Variants in ENPP3 observed in about 807,000 individuals in gnomAD.
ENPP3 encodes ectonucleotide pyrophosphatase/phosphodiesterase family member 3.
ENPP3 carries 104 observed loss-of-function variants against 117.8 expected under a neutral mutation model. That is an observed-to-expected ratio of 0.88 (90% confidence interval 0.75 to 1.04). The LOEUF is 1.04. Ranked by LOEUF, ENPP3 falls within the 50% of genes least tolerant of loss-of-function variation. The pLI is 0.00. For synonymous variants in ENPP3, 380 were observed against 349.9 expected (o/e 1.09, Z -0.96); for missense variants, 1,026 against 1,051.9 (o/e 0.98, Z 0.34).
intron 20 of ENPP3, among the ~76,000 whole-genome samples, chr6:131,731,656 T>C (rs1390393578): frequency 6.6e-6 from 1 of 152,212 alleles, no homozygotes; most frequent in African/African-American, 2.4e-5. Flanking sequence ...TCCAGCCTTA[T>C]GCGAACTCCT....
chr6:131,639,048 C>T lies in ENPP3; in HGVS notation c.78+1586C>T, dbSNP rs568558932. On this transcript the variant is annotated intron_variant, in intron 1 of 24. Transcript: ENST00000357639. Reference sequence around the variant, plus strand: ...TTTTTTCACACCAATCTTGCCGCAGCTTTTCCCTATATCCCATATTTTAAG... The same window carrying T: ...TTTTTTCACACCAATCTTGCCGCAGTTTTTCCCTATATCCCATATTTTAAG... Among the ~76,000 whole-genome samples the T allele has an allele frequency of 2.0e-5, 3 of 151,992 alleles. No individual in the cohort carries two copies. The East Asian group carries it at 5.8e-4, about 29-fold the overall frequency.
At position 131,726,088 on chromosome 6, in the gene ENPP3, G is replaced by C. The variant is rs1228165315; in HGVS notation, c.1841G>C (p.Arg614Thr). The C allele has an allele frequency of 2.5e-6, 4 of 1,613,124 alleles. No homozygotes were observed. The South Asian group carries it at 3.3e-5, about 13-fold the overall frequency. ...GTAAATTTGCCATTTGGGAGGCCTA[G>C]GGTACTGCAGAAGAACGTGGACCAC... ...VKVNLPFGRP[R>T]VLQKNVDHCL... The change falls in exon 20 of 25, where the codon AGG (arginine) becomes ACG (threonine). Residue 614 changes from arginine to threonine, a missense_variant. By Grantham distance (71) the Arg-to-Thr change is moderately conservative. Coordinates refer to ENST00000357639, the MANE Select transcript of ENPP3 (RefSeq NM_005021.5).
At chr6:131,669,534 C>T (rs994444353) in intron 6 of ENPP3, among the ~76,000 whole-genome samples, 36 of 150,956 alleles carry the variant, frequency 2.4e-4, no homozygotes, top group Admixed American at 1.6e-3. Flanking sequence ...ATTACCTGGG[C>T]GTGGTGGCAG....
intron 7 of ENPP3, 103 bp downstream of exon 7, chr6:131,671,430 T>C: frequency 1.4e-6 from 1 of 724,292 alleles, no homozygotes; most frequent in Non-Finnish European, 2.4e-6. Context: ...CTTACCCTTC[T>C]GAAGCACATG....
intron 1 of ENPP3, chr6:131,638,361 C>T (rs556461587): frequency 4.0e-6 from 1 of 252,334 alleles, no homozygotes; most frequent in African/African-American, 2.3e-5. Flanking sequence ...AAAATTACAA[C>T]ACAAGCTTCA....
chr6:131,728,312 T>G (rs927831484), intron 20 of ENPP3, among the ~76,000 whole-genome samples: 1 of 152,280 alleles, frequency 6.6e-6, no homozygotes, highest in East Asian at 1.9e-4. Context: ...AATGTTTATG[T>G]TTTTAGTACT....
intron 14 of ENPP3, among the ~76,000 whole-genome samples, chr6:131,689,529 C>G (rs751975825): frequency 3.9e-5 from 6 of 151,962 alleles, no homozygotes; most frequent in Non-Finnish European, 8.8e-5. Flanking sequence ...ACTTTCTGCT[C>G]AGAAAAAAAG....
intron 20 of ENPP3, among the ~76,000 whole-genome samples, chr6:131,731,577 T>C (rs1396474481): frequency 6.6e-6 from 1 of 152,208 alleles, no homozygotes; most frequent in Non-Finnish European, 1.5e-5. Context: ...ATCCCTCTGG[T>C]TTAAACTCTC....
At chr6:131,677,813 G>C (rs371277003) in intron 10 of ENPP3, 55 bp from the exon 11 acceptor site, 2 of 1,159,292 alleles carry the variant, frequency 1.7e-6, no homozygotes, top group African/African-American at 3.0e-5. Flanking sequence ...CCCCAATCCA[G>C]CCTGTATGTT....
chr6:131,746,725 A>G (rs969437867), intron 24 of ENPP3, 61 bp from the exon 25 acceptor site: 1 of 1,459,034 alleles, frequency 6.9e-7, no homozygotes, highest in Non-Finnish European at 9.4e-7. Context: ...CAATAAAAAT[A>G]TTTCTGTTCA....
chr6:131,652,398 A>T, intron 3 of ENPP3, 144 bp from the exon 4 acceptor site: 1 of 855,072 alleles, frequency 1.2e-6, no homozygotes, highest in East Asian at 2.9e-5. Context: ...TTTGCCCCTC[A>T]TTTGGTATTA....
At chr6:131,658,079 A>C (rs1342296722) in intron 5 of ENPP3, among the ~76,000 whole-genome samples, 1 of 151,318 alleles carries the variant, frequency 6.6e-6, no homozygotes, top group African/African-American at 2.4e-5. Flanking sequence ...ACTTGAACCC[A>C]GGAGGTGGAG....
At chr6:131,742,998 ATG>A (rs1431866025) in intron 24 of ENPP3, among the ~76,000 whole-genome samples, 3 of 152,232 alleles carry the variant, frequency 2.0e-5, no homozygotes, top group Non-Finnish European at 2.9e-5. Context: ...AGTAATAAGA[ATG>A]TGACATCTGT....
intron 1 of ENPP3, among the ~76,000 whole-genome samples, chr6:131,641,004 A>C (rs894561190): frequency 3.3e-5 from 5 of 152,298 alleles, no homozygotes; most frequent in African/African-American, 7.2e-5. Flanking sequence ...TATTATTATC[A>C]TCCTGTGATA....
At chr6:131,653,018 A>G (rs781726639) in intron 5 of ENPP3, 127 bp downstream of exon 5, 3 of 579,550 alleles carry the variant, frequency 5.2e-6, no homozygotes, top group East Asian at 2.9e-5. Context: ...ATAGTCCACA[A>G]AGGATTAGAT....
At chr6:131,672,083 TA>T (rs1055949940) in intron 7 of ENPP3, among the ~76,000 whole-genome samples, 4 of 152,212 alleles carry the variant, frequency 2.6e-5, no homozygotes, top group Non-Finnish European at 4.4e-5. Context: ...GCTTACTCAC[TA>T]AAATTTATTT....
At chr6:131,669,112 A>G (rs1186175094) in intron 6 of ENPP3, among the ~76,000 whole-genome samples, 1 of 152,168 alleles carries the variant, frequency 6.6e-6, no homozygotes. Flanking sequence ...GCAGAAACTG[A>G]CTTTATGTAT....
At chr6:131,676,264 TG>T (rs1318418052) in intron 9 of ENPP3, among the ~76,000 whole-genome samples, 2 of 146,520 alleles carry the variant, frequency 1.4e-5, no homozygotes, top group African/African-American at 2.6e-5. Flanking sequence ...TTTTTTTTTT[TG>T]GTCCACAACA....
intron 15 of ENPP3, chr6:131,709,880 G>T (rs749006605): frequency 1.3e-6 from 2 of 1,585,202 alleles, no homozygotes; most frequent in Non-Finnish European, 1.7e-6. Context: ...TTCTGTTGAA[G>T]CTTCTGATTC....
Sources: allele counts gnomAD v4.1 joint callset (sites outside exome capture counted in the v4.1 genomes callset), GRCh38; gene constraint gnomAD v4.1.1; transcripts MANE v1.5; gene names NCBI Gene and HGNC (gene_info 2026-07-23, HGNC 2026-07-21).